Variants in STARD9 observed in about 807,000 individuals in gnomAD.
STARD9 encodes stAR-related lipid transfer protein 9.
In STARD9, 346 loss-of-function variants were observed where a neutral mutation model predicts 399.8. The observed-to-expected ratio is 0.87, with a 90% CI of 0.79 to 0.95. The LOEUF is 0.95. Among genes scored for constraint, STARD9 ranks in the 40% least tolerant of loss-of-function variants. STARD9 has a pLI of 0.00. For missense variants in STARD9, 5,832 were observed against 5,667.5 expected (o/e 1.03, Z -0.93); for synonymous variants, 2,203 against 2,143.5 (o/e 1.03, Z -0.77).
chr15:42,697,701 C>T (rs1184248906), intron 26 of STARD9, among the ~76,000 whole-genome samples: 1 of 152,126 alleles, frequency 6.6e-6, no homozygotes, highest in Admixed American at 6.5e-5. Flanking sequence ...TATGAAATTA[C>T]CTTCAGGCCG....
At chr15:42,650,666 A>G (rs2059742289) in intron 7 of STARD9, among the ~76,000 whole-genome samples, 1 of 152,154 alleles carries the variant, frequency 6.6e-6, no homozygotes, top group Admixed American at 6.6e-5. Flanking sequence ...GGAAAACAAC[A>G]CTGGCCTACC....
intron 23 of STARD9, 93 bp downstream of exon 23, chr15:42,694,435 C>A: frequency 6.6e-7 from 1 of 1,524,984 alleles, no homozygotes; most frequent in Non-Finnish European, 8.8e-7. Context: ...TTCCTCTGCC[C>A]TGGTTCATCT....
chr15:42,665,451 G>A (rs1246327763), intron 14 of STARD9, 121 bp downstream of exon 14: 1 of 787,258 alleles, frequency 1.3e-6, no homozygotes, highest in African/African-American at 1.8e-5. Flanking sequence ...TCTTACGGCA[G>A]AGACAGGAGC....
intron 3 of STARD9, among the ~76,000 whole-genome samples, chr15:42,616,041 A>AT (rs939227592): frequency 2.3e-4 from 34 of 149,680 alleles, no homozygotes; most frequent in East Asian, 1.8e-3. Flanking sequence ...CAAACATTGT[A>AT]TTTTTTTTTT....
chr15:42,599,486 T>A (rs2058579800), intron 3 of STARD9, among the ~76,000 whole-genome samples: 1 of 152,214 alleles, frequency 6.6e-6, no homozygotes, highest in Non-Finnish European at 1.5e-5. Flanking sequence ...CTCTCCAGTT[T>A]CTATCGTACA....
chr15:42,593,425 A>G (rs909318413), intron 3 of STARD9, among the ~76,000 whole-genome samples: 3 of 152,294 alleles, frequency 2.0e-5, no homozygotes, highest in Non-Finnish European at 2.9e-5. Context: ...GACTGAGTCA[A>G]CAAAAATCAT....
At chr15:42,667,003 C>T (rs1422172947) in intron 15 of STARD9, among the ~76,000 whole-genome samples, 2 of 151,824 alleles carry the variant, frequency 1.3e-5, no homozygotes, top group South Asian at 4.2e-4. Context: ...TTAGTAGAGA[C>T]GGGGTTTCAC....
intron 13 of STARD9, among the ~76,000 whole-genome samples, chr15:42,664,147 G>A (rs1314921398): frequency 6.6e-6 from 1 of 151,982 alleles, no homozygotes; most frequent in East Asian, 1.9e-4. Context: ...CTTCTCTAAG[G>A]CCATTCCTCT....
At chr15:42,647,493 T>G (rs1267959946) in intron 7 of STARD9, among the ~76,000 whole-genome samples, 1 of 152,176 alleles carries the variant, frequency 6.6e-6, no homozygotes, top group Non-Finnish European at 1.5e-5. Flanking sequence ...TGAAGGATTT[T>G]TCTTTATCTC....
chr15:42,691,113 A>C lies in STARD9; in HGVS notation c.9535A>C (p.Thr3179Pro). The C allele has an allele frequency of 6.5e-7, 1 of 1,537,278 alleles. No homozygotes were observed. Among genetic ancestry groups the C allele is most frequent in the Non-Finnish European group, 8.7e-7 (1 of 1,146,918 alleles). ...TTTTTTGGAAAAGCCACAATTTTCC[A>C]CTGAGTTGAGGGATCACAATCGCTT... Reference protein sequence around the residue: ...RCFLEKPQFSTELRDHNRLDS... With the variant: ...RCFLEKPQFSPELRDHNRLDS... The change falls in exon 23 of 33, where the codon ACT becomes CCT. Residue 3179 changes from threonine to proline, a missense_variant. Physicochemically the swap from Thr to Pro is conservative, Grantham distance 38. This residue lies in a region of STARD9 where 5,828 missense variants were observed against 5,651.1 expected (regional missense o/e 1.03). Coordinates refer to ENST00000290607, the MANE Select transcript of STARD9 (RefSeq NM_020759.3).
At chr15:42,699,395 T>TTCTTTTC (rs1566956430) in intron 26 of STARD9, among the ~76,000 whole-genome samples, 1 of 138,356 alleles carries the variant, frequency 7.2e-6, no homozygotes, top group African/African-American at 3.0e-5. Flanking sequence ...TTCTTTTCTT[T>TTCTTTTC]TTTTTTTTTT....
intron 3 of STARD9, among the ~76,000 whole-genome samples, chr15:42,597,536 T>G (rs1244245175): frequency 6.6e-6 from 1 of 151,204 alleles, no homozygotes; most frequent in Non-Finnish European, 1.5e-5. Flanking sequence ...CCTGGCTAAT[T>G]TTTGTTTGTT....
Position 42,663,814 on chromosome 15 carries a change from C to T in STARD9, c.1079-6C>T. On this transcript the variant is annotated splice_region_variant and splice_polypyrimidine_tract_variant and intron_variant, in intron 12 of 32. Coordinates refer to ENST00000290607, the MANE Select transcript of STARD9 (RefSeq NM_020759.3). ...CATGTTTTTAAACTTTCTCCTTCTACCTCAGCGGTGTCTCCTGCACACACT... is the reference window on the plus strand; with the variant it reads ...CATGTTTTTAAACTTTCTCCTTCTATCTCAGCGGTGTCTCCTGCACACACT... 5.2e-6 allele frequency: 8 copies of T among 1,532,434 alleles called. No individual in the cohort carries two copies. Among genetic ancestry groups the T allele is most frequent in the Non-Finnish European group, 7.0e-6 (8 of 1,142,520 alleles). 94.9% of individuals were successfully genotyped at this position (1,532,434 alleles called of 1,614,324 possible).
At chr15:42,683,969 C>G (rs1267406737) in intron 22 of STARD9, 147 bp from the exon 23 acceptor site, 1 of 809,518 alleles carries the variant, frequency 1.2e-6, no homozygotes, top group Non-Finnish European at 1.8e-6. Context: ...GGACTAGAGT[C>G]CACAATTTCC....
intron 26 of STARD9, among the ~76,000 whole-genome samples, chr15:42,702,435 C>T (rs935168942): frequency 6.6e-6 from 1 of 152,166 alleles, no homozygotes; most frequent in African/African-American, 2.4e-5. Flanking sequence ...AACTCCTGAC[C>T]TCATGATCTG....
rs1463362581 is a variant in STARD9, at chr15:42,669,148, A to G, written c.1318-10A>G. 3 of 1,526,396 alleles carry G rather than the reference A, an allele frequency of 2.0e-6. No homozygotes were observed. The highest frequency in any genetic ancestry group is 2.6e-6 in the Non-Finnish European group (3 of 1,137,974). 94.6% of individuals were successfully genotyped at this position (1,526,396 alleles called of 1,614,324 possible). On this transcript the variant is annotated splice_polypyrimidine_tract_variant and intron_variant, in intron 15 of 32. Coordinates refer to ENST00000290607, the MANE Select transcript of STARD9 (RefSeq NM_020759.3). ...CTGAGTGTCTCAGATCACCTCCTAT[A>G]CCTCTGCAGATAGACCAGCTGACTA...
At chr15:42,709,874 G>C (rs1435158478) in intron 26 of STARD9, among the ~76,000 whole-genome samples, 1 of 152,062 alleles carries the variant, frequency 6.6e-6, no homozygotes, top group African/African-American at 2.4e-5. Context: ...CTAAGAAAGT[G>C]CAGTCCCTTC....
intron 2 of STARD9, 65 bp downstream of exon 2, chr15:42,583,480 A>C: frequency 3.3e-6 from 4 of 1,196,566 alleles, no homozygotes; most frequent in Non-Finnish European, 4.8e-6. Context: ...AGGGGCTTCC[A>C]GGCTGAAGGT....
At chr15:42,694,767 G>C (rs1357622444) in intron 24 of STARD9, 42 bp downstream of exon 24, 2 of 1,507,832 alleles carry the variant, frequency 1.3e-6, no homozygotes, top group East Asian at 2.5e-5. Flanking sequence ...GGCTCTGTTG[G>C]GGGAGGGGAG....
Sources: allele counts gnomAD v4.1 joint callset (sites outside exome capture counted in the v4.1 genomes callset), GRCh38; gene constraint gnomAD v4.1.1; regional missense constraint gnomAD v4.1.1; transcripts MANE v1.5; gene names NCBI Gene and HGNC (gene_info 2026-07-23, HGNC 2026-07-21).